The following MEGF9 variants were observed in gnomAD, a reference collection of about 807,000 sequenced individuals.
MEGF9 encodes the protein multiple EGF like domains 9, also known as multiple epidermal growth factor-like domains protein 9.
A neutral mutation model predicts 46.8 loss-of-function variants in MEGF9; 6 were observed. That is an observed-to-expected ratio of 0.13 (90% CI 0.07 to 0.25). The LOEUF (loss-of-function observed/expected upper bound fraction) is 0.25. Ranked by LOEUF, MEGF9 falls within the 10% of genes least tolerant of loss-of-function variation. The pLI, the probability that MEGF9 is intolerant of heterozygous loss-of-function variation, is 1.00. For synonymous variants in MEGF9, 302 were observed against 330.7 expected (o/e 0.91, Z 0.94); for missense variants, 683 against 792.4 (o/e 0.86, Z 1.66).
intron 2 of MEGF9, among the ~76,000 whole-genome samples, chr9:120,640,152 A>G (rs934616734): frequency 1.3e-5 from 2 of 152,208 alleles, no homozygotes; most frequent in East Asian, 1.9e-4. Context: ...ATCTGTGTAT[A>G]TATTTTGCTT....
In MEGF9 at chr9:120,713,767, G is replaced by A; in HGVS notation, c.592C>T (p.Pro198Ser). The A allele has an allele frequency of 2.3e-6, 3 of 1,292,482 alleles. No individual in the cohort carries two copies. In the South Asian group the frequency reaches 9.4e-5, roughly 41 times the overall value. 80.1% of individuals were successfully genotyped at this position (1,292,482 alleles called of 1,614,324 possible). A position where few individuals can be genotyped will look rare whatever the true frequency, so the allele number is the denominator to read the frequency against. ...TPPATEAPSS[P>S]PPEYVCNCSV... The stretch of plus-strand genomic sequence containing the variant: ...GGAGCGCCGGACTCACCTGGAGGAG[G>A]CGAAGAGGGGGCCTCGGTGGCAGGT... Residue 198 changes from proline to serine, a missense_variant, in exon 1 of 6, where the codon CCT becomes TCT. Coordinates refer to ENST00000373930, the MANE Select transcript of MEGF9 (RefSeq NM_001080497.3).
At chr9:120,664,031 C>T (rs966481693) in intron 1 of MEGF9, among the ~76,000 whole-genome samples, 1 of 152,072 alleles carries the variant, frequency 6.6e-6, no homozygotes, top group African/African-American at 2.4e-5. Flanking sequence ...TTCAAACATT[C>T]CAAAAGCCAA....
intron 4 of MEGF9, among the ~76,000 whole-genome samples, chr9:120,611,394 T>C (rs1040001934): frequency 6.6e-6 from 1 of 152,100 alleles, no homozygotes; most frequent in African/African-American, 2.4e-5. Context: ...TATAACACAA[T>C]AATATATTAT....
At chr9:120,623,412 G>T (rs919277964) in intron 2 of MEGF9, among the ~76,000 whole-genome samples, 1 of 152,118 alleles carries the variant, frequency 6.6e-6, no homozygotes, top group Non-Finnish European at 1.5e-5. Flanking sequence ...GTAAATTTCA[G>T]GTCTTTAACA....
At chr9:120,700,302 T>C (rs904842222) in intron 1 of MEGF9, among the ~76,000 whole-genome samples, 5 of 152,336 alleles carry the variant, frequency 3.3e-5, no homozygotes, top group African/African-American at 1.2e-4. Context: ...TGCGGACAAG[T>C]TGAAGCAACA....
intron 1 of MEGF9, among the ~76,000 whole-genome samples, chr9:120,697,159 T>C (rs2043881378): frequency 1.3e-5 from 2 of 152,362 alleles, no homozygotes; most frequent in Admixed American, 1.3e-4. Context: ...CTTGGCTCAC[T>C]GCAACCTCTG....
chr9:120,670,115 T>C (rs546760910), intron 1 of MEGF9, among the ~76,000 whole-genome samples: 2 of 152,212 alleles, frequency 1.3e-5, no homozygotes, highest in African/African-American at 4.8e-5. Flanking sequence ...AACACCCTTA[T>C]TCTCTAAATC....
At chr9:120,652,590 GCA>G (rs141794570) in intron 2 of MEGF9, among the ~76,000 whole-genome samples, 3,609 of 133,790 alleles carry the variant, frequency 0.027, 147 homozygotes, top group African/African-American at 0.09. Flanking sequence ...GTGGACACAG[GCA>G]CACACACACA....
At chr9:120,611,651 T>G (rs1468164831) in intron 4 of MEGF9, among the ~76,000 whole-genome samples, 3 of 151,872 alleles carry the variant, frequency 2.0e-5, no homozygotes, top group Non-Finnish European at 4.4e-5. Context: ...TTGGGGGAGG[T>G]GATGAAAACT....
intron 1 of MEGF9, among the ~76,000 whole-genome samples, chr9:120,661,826 T>G (rs1413440658): frequency 1.3e-5 from 2 of 152,208 alleles, no homozygotes; most frequent in Non-Finnish European, 2.9e-5. Context: ...AATGACAACT[T>G]CATAACAAGA....
In MEGF9 at chr9:120,714,039, GC is replaced by G; in HGVS notation, c.319del (p.Ala107ArgfsTer54). 1 of 1,320,130 alleles carries G rather than the reference GC, an allele frequency of 7.6e-7. No homozygotes were observed. 81.8% of individuals were successfully genotyped at this position (1,320,130 alleles called of 1,614,324 possible). On this transcript the variant is annotated frameshift_variant, in exon 1 of 6. Coordinates refer to ENST00000373930, the MANE Select transcript of MEGF9 (RefSeq NM_001080497.3). LOFTEE classifies it high-confidence loss of function. The stretch of plus-strand genomic sequence containing the variant: ...GGTGGTGGAAGAGGGTCCAGCAGTC[GC>G]CCAAAGAGGGGTGGTCTCCGGGGAC... ...AQSPETTPLW[A>X]TAGPSSTTFQ... is the part of the protein sequence containing the mutation.
intron 3 of MEGF9, among the ~76,000 whole-genome samples, chr9:120,617,408 C>T (rs1294169308): frequency 6.6e-6 from 1 of 152,128 alleles, no homozygotes; most frequent in Admixed American, 6.5e-5. Context: ...GAAGAAATGC[C>T]TTACCCTCTT....
chr9:120,664,447 A>C (rs1379005242), intron 1 of MEGF9, among the ~76,000 whole-genome samples: 1 of 152,220 alleles, frequency 6.6e-6, no homozygotes, highest in East Asian at 1.9e-4. Flanking sequence ...TGCAGATAAA[A>C]AACCATAAAA....
intron 1 of MEGF9, among the ~76,000 whole-genome samples, chr9:120,672,799 G>A (rs111883199): frequency 2.0e-5 from 3 of 152,126 alleles, no homozygotes; most frequent in Non-Finnish European, 4.4e-5. Context: ...CGAGGCAGGC[G>A]GATCACCTGA....
rs2043694057 is a variant in MEGF9 at position 120,659,788 on chromosome 9, A to ATGTGT, written c.602-214_602-213insACACA. On this transcript the variant is annotated intron_variant, in intron 1 of 5. Transcript: ENST00000373930. ...ATAAATTATGTAGTGTGTGTGTGAC[A>ATGTGT]GTGTGTGTGTGTGTGTGTGTGTGTG... is the stretch of plus-strand genomic sequence containing the variant. 5.6e-5 allele frequency among the ~76,000 whole-genome samples: 8 copies of ATGTGT among 143,018 alleles called. No homozygotes were observed. The East Asian group carries it at 1.6e-3, about 29-fold the overall frequency. 93.8% of individuals were successfully genotyped at this position (143,018 alleles called of 152,430 possible). A position where few individuals can be genotyped will look rare whatever the true frequency, so the allele number is the denominator to read the frequency against.
chr9:120,648,361 CA>C (rs2043634420), intron 2 of MEGF9, among the ~76,000 whole-genome samples: 1 of 151,656 alleles, frequency 6.6e-6, no homozygotes, highest in Non-Finnish European at 1.5e-5. Flanking sequence ...GACAAATAGA[CA>C]AAAATGTCAT....
intron 2 of MEGF9, among the ~76,000 whole-genome samples, chr9:120,646,622 C>T (rs1422060491): frequency 6.6e-6 from 1 of 152,102 alleles, no homozygotes; most frequent in Non-Finnish European, 1.5e-5. Context: ...CTTCTTAATC[C>T]TCTTAACATT....
chr9:120,618,513 C>T (rs1241298774), intron 3 of MEGF9, among the ~76,000 whole-genome samples: 6 of 152,100 alleles, frequency 3.9e-5, no homozygotes, highest in Admixed American at 3.9e-4. Context: ...TATCCCCCCA[C>T]TTCCATTTTA....
intron 1 of MEGF9, among the ~76,000 whole-genome samples, chr9:120,661,468 G>T (rs2043701365): frequency 6.6e-6 from 1 of 152,248 alleles, no homozygotes; most frequent in Admixed American, 6.5e-5. Flanking sequence ...AGTGAGCCAA[G>T]ATCTTGCCAC....
Sources: gnomAD v4.1 joint callset for allele counts (sites outside exome capture counted in the v4.1 genomes callset) on GRCh38, gnomAD v4.1.1 for gene constraint, MANE v1.5 for transcripts, NCBI Gene and HGNC (gene_info 2026-07-23, HGNC 2026-07-21) for gene names.